KLRG2: variants seen among roughly 807,000 people sequenced by gnomAD.
KLRG2 encodes killer cell lectin-like receptor subfamily G member 2.
KLRG2 carries 39 observed loss-of-function variants against 35.4 expected under a neutral mutation model. The observed-to-expected ratio is 1.10, with a 90% confidence interval of 0.85 to 1.44. KLRG2 has a LOEUF of 1.44. KLRG2 is among the 40% of genes most tolerant of loss of function. The probability of loss-of-function intolerance (pLI) is 0.00; values close to 1 mark genes in which losing one functional copy is unlikely to be tolerated. For synonymous variants in KLRG2, 283 were observed against 265.8 expected (o/e 1.06, Z -0.63); for missense variants, 632 against 570.9 (o/e 1.11, Z -1.09).
At chr7:139,427,382 G>T in the KLRG2 span, among the ~76,000 whole-genome samples, 2 of 152,176 alleles carry the variant, frequency 1.3e-5, no homozygotes, top group African/African-American at 4.8e-5. Flanking sequence ...ATTGGCTGAA[G>T]CAAGGCTTTG....
At chr7:139,455,385 G>A (rs1052245189) in intron 3 of KLRG2, among the ~76,000 whole-genome samples, 33 of 148,176 alleles carry the variant, frequency 2.2e-4, no homozygotes, top group South Asian at 4.3e-4. Context: ...GCAGTGGCGC[G>A]ATCTCGGCTC....
At chr7:139,472,541 T>C (rs1796776016) in intron 3 of KLRG2, among the ~76,000 whole-genome samples, 1 of 151,344 alleles carries the variant, frequency 6.6e-6, no homozygotes, top group African/African-American at 2.4e-5. Flanking sequence ...GCCCAGGAGT[T>C]TAAGACCAGC....
intron 3 of KLRG2, among the ~76,000 whole-genome samples, chr7:139,454,871 C>T (rs974203041): frequency 7.5e-5 from 11 of 147,616 alleles, no homozygotes; most frequent in South Asian, 2.1e-4. Context: ...TAATAACACA[C>T]GCAGATGTGC....
At chr7:139,429,339 G>A in the KLRG2 span, among the ~76,000 whole-genome samples, 4 of 151,064 alleles carry the variant, frequency 2.6e-5, no homozygotes, top group Non-Finnish European at 4.4e-5. Context: ...ACTTCAAGTC[G>A]TTCTTTTCTG....
chr7:139,475,444 T>C (rs1229334799), intron 3 of KLRG2, among the ~76,000 whole-genome samples: 1 of 150,604 alleles, frequency 6.6e-6, no homozygotes, highest in Non-Finnish European at 1.5e-5. Flanking sequence ...GGCAGGAGAA[T>C]GGCGTGAAAC....
At chr7:139,428,288 C>T in the KLRG2 span, among the ~76,000 whole-genome samples, 18 of 152,124 alleles carry the variant, frequency 1.2e-4, no homozygotes, top group African/African-American at 4.1e-4. Context: ...CCATGTTGCC[C>T]AGGCTGGGGT....
chr7:139,446,024 G>A, the KLRG2 span, among the ~76,000 whole-genome samples: 7 of 151,784 alleles, frequency 4.6e-5, no homozygotes, highest in African/African-American at 1.7e-4. Context: ...GTAGAAACGA[G>A]GTTTCCATGT....
At position 139,453,560 on chromosome 7, in the gene KLRG2, C is replaced by T; in HGVS notation, c.*27G>A. 1.3e-6 allele frequency: 2 copies of T among 1,571,932 alleles called. No homozygotes were observed. Among genetic ancestry groups the T allele is most frequent in the Non-Finnish European group, 1.7e-6 (2 of 1,158,878 alleles). Reference sequence around the variant, plus strand: ...TGTAGGGGGTGCTGCATCTGCCTGGCAGGCTGAGGACCAGGCAGAGCCCAG... The same window carrying T: ...TGTAGGGGGTGCTGCATCTGCCTGGTAGGCTGAGGACCAGGCAGAGCCCAG... On this transcript the variant is annotated 3_prime_UTR_variant, in exon 5 of 5. Transcript: ENST00000340940.
the KLRG2 span, among the ~76,000 whole-genome samples, chr7:139,433,311 G>T: frequency 6.7e-6 from 1 of 148,536 alleles, no homozygotes; most frequent in Admixed American, 6.8e-5. Flanking sequence ...GTGGTGTGTG[G>T]TTTTTTTTTT....
the KLRG2 span, among the ~76,000 whole-genome samples, chr7:139,435,499 TCAC>T: frequency 2.0e-5 from 3 of 152,018 alleles, no homozygotes; most frequent in African/African-American, 4.8e-5. Context: ...CAAAAAAAAA[TCAC>T]CAATTTTAAG....
At chr7:139,440,275 A>ATTTT in the KLRG2 span, among the ~76,000 whole-genome samples, 2 of 130,120 alleles carry the variant, frequency 1.5e-5, no homozygotes, top group Non-Finnish European at 3.3e-5. Flanking sequence ...ACACCTGGCT[A>ATTTT]TTTTTTTTTT....
intron 3 of KLRG2, among the ~76,000 whole-genome samples, chr7:139,473,539 G>A (rs554572774): frequency 6.6e-6 from 1 of 152,252 alleles, no homozygotes; most frequent in South Asian, 2.1e-4. Context: ...GACAGCAGCT[G>A]AGGATCACAA....
rs1469893573 is a variant in KLRG2 at position 139,453,225 on chromosome 7, C to G, written c.*362G>C. The G allele has an allele frequency of 2.4e-6, 1 of 417,624 alleles. No individual in the cohort carries two copies. The highest frequency in any genetic ancestry group is 4.1e-5 in the East Asian group (1 of 24,546). 25.9% of individuals were successfully genotyped at this position (417,624 alleles called of 1,614,324 possible). ...ATTTCCATGAGCCGGAATGAGAACC[C>G]AGATTGGAATCCGCTGTGGTTGTTA... is the stretch of plus-strand genomic sequence containing the variant. On this transcript the variant is annotated 3_prime_UTR_variant, in exon 5 of 5. Transcript: ENST00000340940.
At chr7:139,427,653 G>A in the KLRG2 span, among the ~76,000 whole-genome samples, 1 of 152,136 alleles carries the variant, frequency 6.6e-6, no homozygotes, top group Admixed American at 6.5e-5. Flanking sequence ...CCATATCTTG[G>A]ACTAGCATCT....
intron 3 of KLRG2, among the ~76,000 whole-genome samples, chr7:139,457,882 TA>T (rs897020056): frequency 6.6e-6 from 1 of 152,110 alleles, no homozygotes; most frequent in African/African-American, 2.4e-5. Flanking sequence ...TGGGAACTAC[TA>T]AGTAATTTAT....
At chr7:139,436,802 G>C in the KLRG2 span, among the ~76,000 whole-genome samples, 1 of 152,182 alleles carries the variant, frequency 6.6e-6, no homozygotes, top group South Asian at 2.1e-4. Context: ...AATTCCATGC[G>C]CTCTATATGT....
chr7:139,483,627 C>T lies in KLRG2; in HGVS notation c.16G>A (p.Glu6Lys). 1 of 1,557,834 alleles carries T rather than the reference C, an allele frequency of 6.4e-7. No individual in the cohort carries two copies. The highest frequency in any genetic ancestry group is 1.2e-5 in the South Asian group (1 of 85,364). ...CCGGCTTGGCCTCCGGGCGCAGCCTCCCAAGACTCCTCCATCCCGCGCGCC... is the reference window on the plus strand; with the variant it reads ...CCGGCTTGGCCTCCGGGCGCAGCCTTCCAAGACTCCTCCATCCCGCGCGCC... MEESW[E>K]AAPGGQAGAE... Residue 6 changes from glutamate to lysine, a missense_variant, in exon 1 of 5, where the codon GAG becomes AAG. Coordinates refer to ENST00000340940, the MANE Select transcript of KLRG2 (RefSeq NM_198508.4).
At chr7:139,430,089 A>G in the KLRG2 span, among the ~76,000 whole-genome samples, 2 of 152,226 alleles carry the variant, frequency 1.3e-5, no homozygotes, top group South Asian at 2.1e-4. Flanking sequence ...GAGAATCACC[A>G]TCATTGCTCA....
chr7:139,440,766 G>T, the KLRG2 span, among the ~76,000 whole-genome samples: 1 of 152,078 alleles, frequency 6.6e-6, no homozygotes, highest in East Asian at 1.9e-4. Flanking sequence ...CATCTTAAAA[G>T]ACCCCATTTC....
Sources: gnomAD v4.1 joint callset for allele counts (sites outside exome capture counted in the v4.1 genomes callset) on GRCh38, gnomAD v4.1.1 for gene constraint, MANE v1.5 for transcripts, NCBI Gene and HGNC (gene_info 2026-07-23, HGNC 2026-07-21) for gene names.